TGM3: variants seen among roughly 807,000 people sequenced by gnomAD.
TGM3 encodes protein-glutamine gamma-glutamyltransferase E.
In TGM3, 52 loss-of-function variants were observed where a neutral mutation model predicts 73.8. That is an observed-to-expected ratio of 0.70 (90% CI 0.56 to 0.89). TGM3 has a LOEUF of 0.89. Among genes scored for constraint, TGM3 ranks in the 40% least tolerant of loss-of-function variants. TGM3 has a pLI of 0.00. For synonymous variants in TGM3, 372 were observed against 354.9 expected (o/e 1.05, Z -0.54); for missense variants, 928 against 909.9 (o/e 1.02, Z -0.26).
At chr20:2,321,284 TA>T (rs1568628455) in intron 7 of TGM3, among the ~76,000 whole-genome samples, 1 of 152,194 alleles carries the variant, frequency 6.6e-6, no homozygotes, top group Non-Finnish European at 1.5e-5. Flanking sequence ...AGAGACTGAA[TA>T]GACGAGTTTA....
intron 11 of TGM3, among the ~76,000 whole-genome samples, chr20:2,336,541 C>T (rs1356815183): frequency 6.6e-6 from 1 of 150,652 alleles, no homozygotes; most frequent in Non-Finnish European, 1.5e-5. Flanking sequence ...GCAGGCGTTC[C>T]TGACCTCAGA....
At chr20:2,310,156 C>G in intron 2 of TGM3, 22 bp from the exon 3 acceptor site, 1 of 1,613,250 alleles carries the variant, frequency 6.2e-7, no homozygotes, top group African/African-American at 1.3e-5. Context: ...TTGGTTTTCT[C>G]AACCTCTGTC....
Position 2,317,426 on chromosome 20 carries a change from T to A in TGM3, c.924T>A (p.Ser308Arg), listed in dbSNP as rs1469760041. The change falls in exon 7 of 13, where the codon AGT (serine) becomes AGA (arginine). Residue 308 changes from serine to arginine, a missense_variant. Transcript: ENST00000381458. ...NSAHDTDRNL[S>R]VDVYYDPMGN... ...CTCATGACACAGACCGAAATCTCAG[T>A]GTGGATGTGTACTACGACCCCATGG... 1.2e-6 allele frequency: 2 copies of A among 1,614,036 alleles called. No individual in the cohort carries two copies.
rs779995791 is a variant in TGM3 at position 2,340,586 on chromosome 20, C to T, written c.*5C>T. On this transcript the variant is annotated 3_prime_UTR_variant, in exon 13 of 13. Coordinates refer to ENST00000381458, the MANE Select transcript of TGM3 (RefSeq NM_003245.4). ...TCCATCGATGTAGCCGAATGAAGGG[C>T]GCTGGTGGCCTCCCGTACAAACTTG... 43 of 1,614,120 alleles carry T rather than the reference C, an allele frequency of 2.7e-5. No individual in the cohort carries two copies. In the South Asian group the frequency reaches 3.7e-4, roughly 14 times the overall value.
At chr20:2,298,354 G>C (rs1313428850) in intron 1 of TGM3, among the ~76,000 whole-genome samples, 1 of 152,144 alleles carries the variant, frequency 6.6e-6, no homozygotes, top group South Asian at 2.1e-4. Context: ...GCACAGAGGA[G>C]GGCCCCAGTG....
At chr20:2,340,013 T>A (rs762694304) in intron 12 of TGM3, 26 bp downstream of exon 12, 13 of 477,202 alleles carry the variant, frequency 2.7e-5, no homozygotes, top group Non-Finnish European at 4.7e-5. Context: ...AAGTGGCCGG[T>A]GCAGGAGGGC....
chr20:2,306,322 T>A (rs184841724), intron 1 of TGM3, among the ~76,000 whole-genome samples: 6 of 143,634 alleles, frequency 4.2e-5, no homozygotes, highest in Non-Finnish European at 6.1e-5. Context: ...AGGACATGCA[T>A]CCTTTGGGAT....
chr20:2,332,372 C>A lies in TGM3; in HGVS notation c.1642+62C>A. ...CGAGGTAGCCAATGGCCTTCTGGGG[C>A]TGCAGGGTGTCTGCTGGGCTCCAGG... On this transcript the variant is annotated intron_variant, in intron 10 of 12. Coordinates refer to ENST00000381458, the MANE Select transcript of TGM3 (RefSeq NM_003245.4). This position sits in a 1 kb window ranked among gnomAD's most constrained non-coding sequence, Gnocchi z 4.4. The A allele has an allele frequency of 2.7e-6, 4 of 1,465,474 alleles. No homozygotes were observed. The highest frequency in any genetic ancestry group is 3.6e-6 in the Non-Finnish European group (4 of 1,102,274). The allele number at this position is 1,465,474 out of a possible 1,614,324, so 90.8% of individuals were successfully genotyped here. A position where few individuals can be genotyped will look rare whatever the true frequency, so the allele number is the denominator to read the frequency against.
Position 2,340,851 on chromosome 20 carries a change from C to G in TGM3, c.*270C>G, listed in dbSNP as rs1198446528. On this transcript the variant is annotated 3_prime_UTR_variant, in exon 13 of 13. Coordinates refer to ENST00000381458, the MANE Select transcript of TGM3 (RefSeq NM_003245.4). ...CTGCTCTGTGAGCCCCACAGCCCTG[C>G]TCATTCCTCACGCCCTTCAATGCTG... The G allele has an allele frequency of 1.7e-6, 1 of 593,204 alleles. No individual in the cohort carries two copies. Among genetic ancestry groups the G allele is most frequent in the South Asian group, 1.5e-5 (1 of 65,806 alleles). 36.7% of individuals were successfully genotyped at this position (593,204 alleles called of 1,614,324 possible).
At position 2,310,372 on chromosome 20, in the gene TGM3, G is replaced by A. The variant is rs1325264888; in HGVS notation, c.376G>A (p.Val126Met). Residue 126 changes from valine to methionine, a missense_variant, in exon 3 of 13, where the codon GTG (valine) becomes ATG (methionine). By Grantham distance (21) the Val-to-Met change is conservative. Coordinates refer to ENST00000381458, the MANE Select transcript of TGM3 (RefSeq NM_003245.4). ...CTTCTCCCAGGGCGGCATCTCCTCT[G>A]TGAAACTTGGGACGTTCATACTGCT... ...QIFSQGGISS[V>M]KLGTFILLFN... is the part of the protein sequence containing the mutation. The A allele has an allele frequency of 1.6e-5, 26 of 1,614,234 alleles. No individual in the cohort carries two copies. Among genetic ancestry groups the A allele is most frequent in the Non-Finnish European group, 2.1e-5 (25 of 1,180,038 alleles).
chr20:2,296,909 T>C (rs1018844560), intron 1 of TGM3, among the ~76,000 whole-genome samples: 3 of 152,178 alleles, frequency 2.0e-5, no homozygotes, highest in African/African-American at 7.2e-5. Flanking sequence ...ATATTGTGAA[T>C]GGCGATTAGG....
chr20:2,330,669 G>T (rs141861228), intron 9 of TGM3, among the ~76,000 whole-genome samples: 74 of 152,336 alleles, frequency 4.9e-4, no homozygotes, highest in African/African-American at 1.7e-3. Context: ...CAAATCACAT[G>T]TAATTTATGG....
intron 1 of TGM3, among the ~76,000 whole-genome samples, chr20:2,304,556 T>G (rs549643651): frequency 2.0e-5 from 3 of 152,294 alleles, no homozygotes; most frequent in Non-Finnish European, 4.4e-5. Flanking sequence ...GGACTCAAAA[T>G]CCTGCATGAG....
intron 11 of TGM3, among the ~76,000 whole-genome samples, chr20:2,336,958 C>T (rs1323509951): frequency 6.6e-6 from 1 of 152,120 alleles, no homozygotes; most frequent in Non-Finnish European, 1.5e-5. Flanking sequence ...CTCAATTATA[C>T]ACCCTCAGAA....
intron 7 of TGM3, among the ~76,000 whole-genome samples, chr20:2,321,106 C>G (rs936852923): frequency 6.6e-5 from 10 of 152,204 alleles, no homozygotes; most frequent in Non-Finnish European, 1.3e-4. Flanking sequence ...CTCCTAGGCC[C>G]TTAGTGAGGA....
chr20:2,340,632 G>C lies in TGM3; in HGVS notation c.*51G>C. On this transcript the variant is annotated 3_prime_UTR_variant, in exon 13 of 13. Coordinates refer to ENST00000381458, the MANE Select transcript of TGM3 (RefSeq NM_003245.4). The stretch of plus-strand genomic sequence containing the variant: ...ACTTGGACAACACGGAGCAGGGAGA[G>C]CTCACCATGGAATGAACCCCCCGCC... 6.2e-7 allele frequency: 1 copy of C among 1,611,494 alleles called. No individual in the cohort carries two copies. The highest frequency in any genetic ancestry group is 8.5e-7 in the Non-Finnish European group (1 of 1,178,198).
chr20:2,326,110 G>T, intron 8 of TGM3, 158 bp downstream of exon 8: 1 of 743,440 alleles, frequency 1.3e-6, no homozygotes, highest in Non-Finnish European at 2.2e-6. Context: ...TGCTAATTTT[G>T]CTTGGCTCGG....
chr20:2,314,102 G>A (rs1854641893), intron 5 of TGM3, among the ~76,000 whole-genome samples: 1 of 152,104 alleles, frequency 6.6e-6, no homozygotes, highest in African/African-American at 2.4e-5. Flanking sequence ...CCAAGGAGGT[G>A]GAGATTGTGG....
intron 1 of TGM3, among the ~76,000 whole-genome samples, chr20:2,302,783 A>G (rs1317702831): frequency 1.3e-5 from 2 of 151,854 alleles, no homozygotes; most frequent in South Asian, 4.2e-4. Context: ...TAGCAGCACT[A>G]CTCACAGTAG....
Sources: allele counts gnomAD v4.1 joint callset (sites outside exome capture counted in the v4.1 genomes callset), GRCh38; gene constraint gnomAD v4.1.1; non-coding constraint Gnocchi (gnomAD v3.1); transcripts MANE v1.5; gene names NCBI Gene and HGNC (gene_info 2026-07-23, HGNC 2026-07-21).